The following IPCEF1 variants were observed in gnomAD, a reference collection of about 807,000 sequenced individuals.
The protein encoded by IPCEF1 is interactor protein for cytohesin exchange factors 1.
Under a neutral mutation model 50.9 loss-of-function variants are expected in IPCEF1, and 31 were observed. That is an observed-to-expected ratio of 0.61 (90% CI 0.46 to 0.82). The LOEUF (loss-of-function observed/expected upper bound fraction) is 0.82, where lower values mean the gene tolerates loss of function less well. Ranked by LOEUF, IPCEF1 falls within the 40% of genes least tolerant of loss-of-function variation. IPCEF1 has a pLI of 0.00. For missense variants in IPCEF1, 458 were observed against 514.0 expected (o/e 0.89, Z 1.05); for synonymous variants, 181 against 192.0 (o/e 0.94, Z 0.47).
At chr6:154,208,983 G>A (rs1190756793) in intron 9 of IPCEF1, among the ~76,000 whole-genome samples, 1 of 152,120 alleles carries the variant, frequency 6.6e-6, no homozygotes, top group Non-Finnish European at 1.5e-5. Flanking sequence ...TCTGAAGAAG[G>A]AGGAACATAA....
chr6:154,305,165 G>C (rs556775285), intron 1 of IPCEF1, among the ~76,000 whole-genome samples: 3 of 83,792 alleles, frequency 3.6e-5, no homozygotes, highest in African/African-American at 1.5e-4. Flanking sequence ...TGAGAAGACT[G>C]TGCCTCCTTG....
intron 1 of IPCEF1, among the ~76,000 whole-genome samples, chr6:154,328,324 C>G (rs1783573443): frequency 6.6e-6 from 1 of 151,982 alleles, no homozygotes; most frequent in African/African-American, 2.4e-5. Flanking sequence ...AGTGCTCTGT[C>G]AAAAAAGGGA....
chr6:154,201,279 G>T (rs1245439907), intron 9 of IPCEF1, among the ~76,000 whole-genome samples: 2 of 152,134 alleles, frequency 1.3e-5, no homozygotes, highest in Non-Finnish European at 2.9e-5. Flanking sequence ...TTTATTCTGA[G>T]ATTTTTATCT....
At position 154,169,838 on chromosome 6, in the gene IPCEF1, G is replaced by A. The variant is rs536088450; in HGVS notation, c.911-1725C>T. 2.0e-5 allele frequency among the ~76,000 whole-genome samples: 3 copies of A among 152,310 alleles called. No homozygotes were observed. The South Asian group carries it at 6.2e-4, about 32-fold the overall frequency. On this transcript the variant is annotated intron_variant, in intron 10 of 11. Transcript: ENST00000367220. ...CATGTGCCTCTGGTCAGGCCATTTGGGGCCAAGGAGACTCAGTTCCAAGAC... is the reference window on the plus strand; with the variant it reads ...CATGTGCCTCTGGTCAGGCCATTTGAGGCCAAGGAGACTCAGTTCCAAGAC...
intron 2 of IPCEF1, among the ~76,000 whole-genome samples, chr6:154,279,905 A>G (rs1038732785): frequency 9.9e-5 from 15 of 152,238 alleles, no homozygotes; most frequent in African/African-American, 3.6e-4. Context: ...CAATATACAT[A>G]GGAGAGACAC....
chr6:154,179,063 C>A (rs1800607317), intron 10 of IPCEF1, among the ~76,000 whole-genome samples: 1 of 152,170 alleles, frequency 6.6e-6, no homozygotes, highest in Admixed American at 6.5e-5. Flanking sequence ...AGGGACATTA[C>A]ATTGTTTTTA....
chr6:154,323,183 C>A (rs1262747847), intron 1 of IPCEF1, among the ~76,000 whole-genome samples: 1 of 147,338 alleles, frequency 6.8e-6, no homozygotes, highest in Non-Finnish European at 1.5e-5. Context: ...CCTTCACTAG[C>A]CCCAGATCTC....
chr6:154,214,252 A>G lies in IPCEF1; in HGVS notation c.417T>C (p.Ala139=), dbSNP rs138706521. The change falls in exon 8 of 12, where the codon GCT becomes GCC. Residue 139 remains alanine, a synonymous_variant. Coordinates refer to ENST00000367220, the MANE Select transcript of IPCEF1 (RefSeq NM_001130700.2). ...TTGTAGTGGATTCCTGATGGATTACAGCCGATCCAAGTTTATTTAACCACC... is the reference window on the plus strand; with the variant it reads ...TTGTAGTGGATTCCTGATGGATTACGGCCGATCCAAGTTTATTTAACCACC... ...MNVWLNKLGS[A]VIHQESTTKD... The G allele has an allele frequency of 4.3e-6, 7 of 1,611,218 alleles. No individual in the cohort carries two copies.
chr6:154,318,781 T>C lies in IPCEF1; in HGVS notation c.-61-29025A>G, dbSNP rs531827566. On this transcript the variant is annotated intron_variant, in intron 1 of 11. Coordinates refer to ENST00000367220, the MANE Select transcript of IPCEF1 (RefSeq NM_001130700.2). ...TTTTCTATACAACATGCACCCAATG[T>C]CAATAATTATTTTTTCCCTCATTCC... Among the ~76,000 whole-genome samples the C allele has an allele frequency of 2.2e-4, 33 of 151,610 alleles. No individual in the cohort carries two copies. In the South Asian group the frequency reaches 6.7e-3, roughly 31 times the overall value.
Position 154,241,738 on chromosome 6 carries a change from A to T in IPCEF1, c.246+4853T>A, listed in dbSNP as rs572926569. ...TGGCAGCTCCCTCACTCTCCAAAAC[A>T]TCCAATCTATTGCTGCTAGGTTCAT... On this transcript the variant is annotated intron_variant, in intron 5 of 11. Transcript: ENST00000367220. Among the ~76,000 whole-genome samples the T allele has an allele frequency of 1.5e-4, 23 of 152,110 alleles. 3 individuals carry two copies. The highest frequency in any genetic ancestry group is 6.2e-4 in the South Asian group (3 of 4,820).
chr6:154,177,348 G>A (rs1016495755), intron 10 of IPCEF1, among the ~76,000 whole-genome samples: 3 of 152,164 alleles, frequency 2.0e-5, no homozygotes, highest in Admixed American at 6.5e-5. Flanking sequence ...AAAGTGAACA[G>A]GCAACCTACA....
At chr6:154,180,416 T>TATA (rs1562526757) in intron 10 of IPCEF1, among the ~76,000 whole-genome samples, 2,102 of 50,606 alleles carry the variant, frequency 0.042, 26 homozygotes, top group Middle Eastern at 0.06. Flanking sequence ...ATATATATAT[T>TATA]TTTTTTTTAA....
At chr6:154,167,843 G>T in intron 11 of IPCEF1, 77 bp downstream of exon 11, 2 of 1,106,168 alleles carry the variant, frequency 1.8e-6, no homozygotes, top group African/African-American at 1.5e-5. Flanking sequence ...GCTGTGATTA[G>T]CAAGAATCTC....
intron 5 of IPCEF1, among the ~76,000 whole-genome samples, chr6:154,238,476 G>A (rs982928682): frequency 6.6e-6 from 1 of 152,082 alleles, no homozygotes; most frequent in African/African-American, 2.4e-5. Flanking sequence ...ATGTTGGTCA[G>A]GCTGGTCTCA....
At chr6:154,273,716 CTTTCTTTCTTTT>C (rs1781960483) in intron 2 of IPCEF1, among the ~76,000 whole-genome samples, 1 of 28,030 alleles carries the variant, frequency 3.6e-5, no homozygotes, top group Admixed American at 4.7e-4. Context: ...TTCTTTCTTT[CTTTCTTTCTTTT>C]TTTTTTTTTT....
chr6:154,354,403 A>ACC (rs1784168736), intron 1 of IPCEF1, among the ~76,000 whole-genome samples: 5 of 143,298 alleles, frequency 3.5e-5, no homozygotes, highest in East Asian at 2.0e-4. Context: ...TCCAACCACC[A>ACC]TCTCCACCAC....
intron 3 of IPCEF1, among the ~76,000 whole-genome samples, chr6:154,261,046 T>C (rs1429884600): frequency 1.3e-5 from 2 of 152,072 alleles, no homozygotes; most frequent in Admixed American, 1.3e-4. Flanking sequence ...GGCGTGTGTG[T>C]GCATGTGTGT....
intron 1 of IPCEF1, among the ~76,000 whole-genome samples, chr6:154,332,692 A>C (rs530904823): frequency 6.6e-6 from 1 of 152,258 alleles, no homozygotes; most frequent in Non-Finnish European, 1.5e-5. Context: ...AGACTTCTAA[A>C]TCACTAGAGA....
chr6:154,352,424 G>C (rs1342738818), intron 1 of IPCEF1, among the ~76,000 whole-genome samples: 2 of 152,162 alleles, frequency 1.3e-5, no homozygotes, highest in East Asian at 1.9e-4. Context: ...TTTCCTTGAC[G>C]ATCTGGTCAT....
Sources: gnomAD v4.1 joint callset for allele counts (sites outside exome capture counted in the v4.1 genomes callset) on GRCh38, gnomAD v4.1.1 for gene constraint, MANE v1.5 for transcripts, NCBI Gene and HGNC (gene_info 2026-07-23, HGNC 2026-07-21) for gene names.